Variants in SLC24A2 observed in about 807,000 individuals in gnomAD.
SLC24A2 encodes solute carrier family 24 member 2.
Under a neutral mutation model 62.0 loss-of-function variants are expected in SLC24A2, and 36 were observed. That is an observed-to-expected ratio of 0.58 (90% confidence interval 0.44 to 0.77). The LOEUF (loss-of-function observed/expected upper bound fraction) is 0.77. Ranked by LOEUF, SLC24A2 falls within the 30% of genes least tolerant of loss-of-function variation. The probability of loss-of-function intolerance (pLI) is 0.00; values close to 1 mark genes in which losing one functional copy is unlikely to be tolerated. For missense variants in SLC24A2, 846 were observed against 817.9 expected, an observed-to-expected ratio of 1.03 and a Z score of -0.42; for synonymous variants, 358 against 294.0, an observed-to-expected ratio of 1.22 and a Z score of -2.23.
chr9:20,240,543 G>A, the SLC24A2 span, among the ~76,000 whole-genome samples: 1,287 of 152,304 alleles, frequency 8.5e-3, 22 homozygotes, highest in African/African-American at 0.028. Context: ...AAACTGGCTT[G>A]GGGCCAAACT....
At chr9:19,776,825 G>A (rs573937723) in intron 2 of SLC24A2, among the ~76,000 whole-genome samples, 1 of 152,280 alleles carries the variant, frequency 6.6e-6, no homozygotes, top group African/African-American at 2.4e-5. Flanking sequence ...ATTCCACGTT[G>A]TAAATATTAC....
chr9:19,806,324 A>T, the SLC24A2 span, among the ~76,000 whole-genome samples: 1 of 152,116 alleles, frequency 6.6e-6, no homozygotes, highest in African/African-American at 2.4e-5. Context: ...AGAAAATATG[A>T]TTAGTTGTAG....
At chr9:19,664,305 C>T (rs115743008) in intron 2 of SLC24A2, among the ~76,000 whole-genome samples, 2 of 152,118 alleles carry the variant, frequency 1.3e-5, no homozygotes, top group South Asian at 2.1e-4. Context: ...TTCATTGGTG[C>T]ATTTAGAATA....
At chr9:19,984,071 C>G in the SLC24A2 span, among the ~76,000 whole-genome samples, 2 of 152,144 alleles carry the variant, frequency 1.3e-5, no homozygotes, top group African/African-American at 2.4e-5. Flanking sequence ...AAATGTACTT[C>G]TGACTTACAA....
chr9:19,840,958 A>G, the SLC24A2 span, among the ~76,000 whole-genome samples: 1 of 152,124 alleles, frequency 6.6e-6, no homozygotes, highest in Admixed American at 6.5e-5. Flanking sequence ...GTAATTTTCC[A>G]TTGTACATAA....
intron 2 of SLC24A2, among the ~76,000 whole-genome samples, chr9:19,725,134 T>C (rs1295365895): frequency 6.6e-6 from 1 of 152,178 alleles, no homozygotes; most frequent in African/African-American, 2.4e-5. Context: ...CATATTTGAT[T>C]GTCCCAACTG....
At chr9:19,918,847 T>C in the SLC24A2 span, among the ~76,000 whole-genome samples, 2 of 152,086 alleles carry the variant, frequency 1.3e-5, no homozygotes, top group African/African-American at 4.8e-5. Context: ...CAGGAAGAAC[T>C]TCTAGGAAAC....
At chr9:19,880,355 A>G in the SLC24A2 span, among the ~76,000 whole-genome samples, 5 of 152,294 alleles carry the variant, frequency 3.3e-5, no homozygotes, top group African/African-American at 9.6e-5. Context: ...GCTGGTGTAC[A>G]TCACCACACA....
At chr9:19,890,838 C>T in the SLC24A2 span, among the ~76,000 whole-genome samples, 15 of 152,254 alleles carry the variant, frequency 9.9e-5, no homozygotes, top group African/African-American at 2.9e-4. Flanking sequence ...TGACAAATCT[C>T]ACATCTGTGG....
At chr9:20,152,850 G>A in the SLC24A2 span, among the ~76,000 whole-genome samples, 1 of 151,832 alleles carries the variant, frequency 6.6e-6, no homozygotes. Context: ...GATGGCATCT[G>A]AGAATGGGCA....
intron 2 of SLC24A2, among the ~76,000 whole-genome samples, chr9:19,782,197 A>T (rs1349284485): frequency 2.0e-5 from 3 of 152,210 alleles, no homozygotes; most frequent in Non-Finnish European, 4.4e-5. Context: ...CTAGCACCAT[A>T]ACAGATCAAC....
chr9:20,106,188 A>G, the SLC24A2 span, among the ~76,000 whole-genome samples: 1 of 152,244 alleles, frequency 6.6e-6, no homozygotes, highest in Non-Finnish European at 1.5e-5. Flanking sequence ...ACAGGATCTG[A>G]AATTGTGGCA....
chr9:19,796,259 C>A, the SLC24A2 span, among the ~76,000 whole-genome samples: 1 of 151,830 alleles, frequency 6.6e-6, no homozygotes, highest in Non-Finnish European at 1.5e-5. Context: ...TACCCTAGAA[C>A]TTAAAGTATA....
chr9:19,625,230 C>A (rs1587056139), intron 2 of SLC24A2, among the ~76,000 whole-genome samples: 1 of 152,032 alleles, frequency 6.6e-6, no homozygotes, highest in African/African-American at 2.4e-5. Context: ...CTCATTTGGG[C>A]TGTATTAATA....
At chr9:19,763,150 T>A (rs1200225598) in intron 2 of SLC24A2, among the ~76,000 whole-genome samples, 2 of 152,216 alleles carry the variant, frequency 1.3e-5, no homozygotes, top group African/African-American at 2.4e-5. Flanking sequence ...TGCTTGTGAT[T>A]TTTGCACATT....
the SLC24A2 span, among the ~76,000 whole-genome samples, chr9:19,838,368 G>A: frequency 1.3e-5 from 2 of 151,908 alleles, no homozygotes; most frequent in South Asian, 4.2e-4. Flanking sequence ...CTAGCCATAT[G>A]GAGAAAGCTG....
At chr9:20,032,630 A>C in the SLC24A2 span, among the ~76,000 whole-genome samples, 6 of 152,204 alleles carry the variant, frequency 3.9e-5, no homozygotes, top group Non-Finnish European at 8.8e-5. Flanking sequence ...TTACAGTAAA[A>C]TGTTAGACAA....
At chr9:19,710,611 G>A (rs1587197842) in intron 2 of SLC24A2, among the ~76,000 whole-genome samples, 2 of 152,182 alleles carry the variant, frequency 1.3e-5, no homozygotes, top group East Asian at 3.9e-4. Flanking sequence ...TGGGGAGGAA[G>A]GTGGGGGCAG....
chr9:19,608,901 C>T (rs1209704010), intron 4 of SLC24A2, among the ~76,000 whole-genome samples: 2 of 152,164 alleles, frequency 1.3e-5, no homozygotes, highest in Non-Finnish European at 2.9e-5. Context: ...CATGCCTGCT[C>T]ATCTCAAAGG....
Sources: gnomAD v4.1 joint callset for allele counts (sites outside exome capture counted in the v4.1 genomes callset) on GRCh38, gnomAD v4.1.1 for gene constraint, MANE v1.5 for transcripts, NCBI Gene and HGNC (gene_info 2026-07-23, HGNC 2026-07-21) for gene names.